Variants in MYOF observed in about 807,000 individuals in gnomAD.
The protein encoded by MYOF is myoferlin.
Under a neutral mutation model 284.2 loss-of-function variants are expected in MYOF, and 244 were observed. That is an observed-to-expected ratio of 0.86 (90% CI 0.77 to 0.95). MYOF has a LOEUF of 0.95. MYOF is among the 40% of genes least tolerant of loss of function. The pLI is 0.00. For missense variants in MYOF, 2,496 were observed against 2,560.6 expected (o/e 0.97, Z 0.54); for synonymous variants, 904 against 919.7 (o/e 0.98, Z 0.31).
At chr10:93,368,029 G>C (rs1845407796) in intron 25 of MYOF, among the ~76,000 whole-genome samples, 1 of 151,200 alleles carries the variant, frequency 6.6e-6, no homozygotes, top group Non-Finnish European at 1.5e-5. Context: ...GGAAAGAGTG[G>C]AAGGAAGCCC....
chr10:93,338,988 G>A (rs971228311), intron 39 of MYOF, among the ~76,000 whole-genome samples: 2 of 149,192 alleles, frequency 1.3e-5, no homozygotes, highest in African/African-American at 2.4e-5. Context: ...TGGGGGAAAG[G>A]AAGAAGGGAC....
chr10:93,361,430 G>A, intron 28 of MYOF, 22 bp downstream of exon 28: 1 of 1,610,196 alleles, frequency 6.2e-7, no homozygotes, highest in Non-Finnish European at 8.5e-7. Context: ...GCCCCAATCA[G>A]GTCACAGATG....
In MYOF at chr10:93,396,172, T is replaced by C. The variant is rs777321633; in HGVS notation, c.1387A>G (p.Lys463Glu). ...ACTTCCCCACCAGAGGCAGCAATTT[T>C]AGAGAGGTGTAGATATGTTGTTCCA... ...VVGTTYLHLS[K>E]IAASGGEVED... Residue 463 changes from lysine to glutamate, a missense_variant, in exon 16 of 54, where the codon AAA becomes GAA. Physicochemically the swap from Lys to Glu is moderately conservative, Grantham distance 56. Around this residue, in one of 3 missense-constraint regions of MYOF, gnomAD observed 2,436 missense variants for 2,480.7 expected, o/e 0.98. Transcript: ENST00000359263. 9.3e-6 allele frequency: 15 copies of C among 1,609,768 alleles called. No individual in the cohort carries two copies. Among genetic ancestry groups the C allele is most frequent in the Non-Finnish European group, 9.3e-6 (11 of 1,177,592 alleles).
chr10:93,374,949 C>A lies in MYOF; in HGVS notation c.2115G>T (p.Thr705=). 2 of 1,608,220 alleles carry A rather than the reference C, an allele frequency of 1.2e-6. No homozygotes were observed. Among genetic ancestry groups the A allele is most frequent in the Non-Finnish European group, 1.7e-6 (2 of 1,178,400 alleles). The stretch of plus-strand genomic sequence containing the variant: ...TGGCTTTTCCTTCTGTGAGAGGCAA[C>A]GTGTATCTAGAAAAATGAAGAAAAA... ...IDEVIEDTRY[T]LPLTEGKANV... Residue 705 remains threonine, a synonymous_variant, in exon 23 of 54, where the codon ACG becomes ACT. Transcript: ENST00000359263.
intron 3 of MYOF, among the ~76,000 whole-genome samples, chr10:93,432,154 G>T (rs1848901912): frequency 6.6e-6 from 1 of 152,138 alleles, no homozygotes; most frequent in Non-Finnish European, 1.5e-5. Flanking sequence ...TTGGGAGGCT[G>T]AGGTAGAAGG....
intron 21 of MYOF, among the ~76,000 whole-genome samples, chr10:93,378,693 G>GTGTGTGTGTATATATATATATATATATA: frequency 9.2e-4 from 81 of 87,858 alleles, no homozygotes; most frequent in African/African-American, 2.6e-3. Context: ...GTGTGTGTGT[G>GTGTGTGTGTATATATATATATATATATA]TATATATATA....
chr10:93,457,825 C>A (rs1199690589), intron 1 of MYOF, among the ~76,000 whole-genome samples: 1 of 151,608 alleles, frequency 6.6e-6, no homozygotes, highest in Non-Finnish European at 1.5e-5. Context: ...CCTCTGCCTC[C>A]CAGCTCAAGA....
chr10:93,319,689 A>C (rs531052916), intron 49 of MYOF, among the ~76,000 whole-genome samples, 183 bp downstream of exon 49: 6 of 152,180 alleles, frequency 3.9e-5, no homozygotes, highest in Admixed American at 3.9e-4. Context: ...TCCTAATGAC[A>C]CAAATACCTG....
chr10:93,342,811 G>A (rs1478072080), intron 38 of MYOF, among the ~76,000 whole-genome samples: 1 of 152,190 alleles, frequency 6.6e-6, no homozygotes, highest in Non-Finnish European at 1.5e-5. Context: ...CTACAGAAAA[G>A]ATCTTAAGTA....
At chr10:93,430,509 G>T (rs1355433885) in intron 4 of MYOF, among the ~76,000 whole-genome samples, 2 of 150,942 alleles carry the variant, frequency 1.3e-5, no homozygotes, top group East Asian at 3.9e-4. Context: ...TTGAACCCAG[G>T]AGGCAGAGGT....
intron 1 of MYOF, among the ~76,000 whole-genome samples, chr10:93,475,444 C>T (rs2057238794): frequency 6.6e-6 from 1 of 152,180 alleles, no homozygotes; most frequent in South Asian, 2.1e-4. Context: ...GTGCTAGGAA[C>T]TGGTTGTACT....
chr10:93,408,463 G>A (rs754013687), intron 7 of MYOF, among the ~76,000 whole-genome samples: 17 of 151,754 alleles, frequency 1.1e-4, no homozygotes, highest in Admixed American at 2.0e-4. Context: ...CTTGAACCCC[G>A]GAGGTGGAGG....
At chr10:93,419,633 C>T (rs1330696592) in intron 5 of MYOF, among the ~76,000 whole-genome samples, 1 of 152,212 alleles carries the variant, frequency 6.6e-6, no homozygotes, top group Non-Finnish European at 1.5e-5. Context: ...TGAAAAAGTA[C>T]TTTCTGAAAG....
At chr10:93,392,108 T>G (rs1006468278) in intron 17 of MYOF, among the ~76,000 whole-genome samples, 4 of 152,260 alleles carry the variant, frequency 2.6e-5, no homozygotes, top group Admixed American at 6.5e-5. Flanking sequence ...GACTACTTAA[T>G]ATTCATATAA....
intron 3 of MYOF, among the ~76,000 whole-genome samples, chr10:93,449,107 T>C (rs540872338): frequency 6.6e-6 from 1 of 152,268 alleles, no homozygotes; most frequent in African/African-American, 2.4e-5. Context: ...ACAGAGCACT[T>C]GAAATGTGGT....
rs144931944 is a variant in MYOF at position 93,379,318 on chromosome 10, G to A, written c.2001+545C>T. Among the ~76,000 whole-genome samples the A allele has an allele frequency of 4.1e-4, 63 of 152,096 alleles. 1 individual carries two copies. The highest frequency in any genetic ancestry group is 1.3e-3 in the African/African-American group (55 of 41,486). ...ACCATTCTCTCTACACAAAAATTAC[G>A]GCAGAAACTATGAGTTCCTGTTCCA... On this transcript the variant is annotated intron_variant, in intron 21 of 53. Transcript: ENST00000359263.
chr10:93,417,390 C>T (rs1367333067), intron 5 of MYOF, among the ~76,000 whole-genome samples: 1 of 152,142 alleles, frequency 6.6e-6, no homozygotes, highest in Non-Finnish European at 1.5e-5. Context: ...ATATTCCTGC[C>T]AACTGCCCTT....
chr10:93,329,687 G>C lies in MYOF; in HGVS notation c.4959C>G (p.Cys1653Trp). ...NRFLSRFGSH[C>W]GIPEEYCVSG... ...ACACACAGTACTCCTCTGGTATGCC[G>C]CAGTGGGACCCAAAGCGGGAAAGGA... The change falls in exon 44 of 54, where the codon TGC (cysteine) becomes TGG (tryptophan). Residue 1653 changes from cysteine (C) to tryptophan (W), a missense_variant. By Grantham distance (215) the Cys-to-Trp change is radical. This residue lies in a region of MYOF where 2,436 missense variants were observed against 2,480.7 expected (regional missense o/e 0.98). Transcript: ENST00000359263. 1 of 1,614,120 alleles carries C rather than the reference G, an allele frequency of 6.2e-7. No individual in the cohort carries two copies. Among genetic ancestry groups the C allele is most frequent in the Non-Finnish European group, 8.5e-7 (1 of 1,180,038 alleles).
At chr10:93,396,077 T>C (rs2134063866) in intron 16 of MYOF, 65 bp downstream of exon 16, 2 of 1,344,336 alleles carry the variant, frequency 1.5e-6, no homozygotes, top group African/African-American at 1.5e-5. Context: ...CCCCAGTTCA[T>C]TTTTTTCTCA....
Sources: allele counts gnomAD v4.1 joint callset (sites outside exome capture counted in the v4.1 genomes callset), GRCh38; gene constraint gnomAD v4.1.1; regional missense constraint gnomAD v4.1.1; transcripts MANE v1.5; gene names NCBI Gene and HGNC (gene_info 2026-07-23, HGNC 2026-07-21).